Variants in TAFA4 observed in about 807,000 individuals in gnomAD.
TAFA4 encodes TAFA chemokine like family member 4.
In TAFA4, 20 loss-of-function variants were observed where a neutral mutation model predicts 21.1. The observed-to-expected ratio is 0.95, with a 90% CI of 0.67 to 1.38. The LOEUF is 1.38. TAFA4 is among the 40% of genes most tolerant of loss of function. The pLI is 0.00. For synonymous variants in TAFA4, 71 were observed against 67.4 expected, an observed-to-expected ratio of 1.05 and a Z score of -0.26; for missense variants, 211 against 180.9, an observed-to-expected ratio of 1.17 and a Z score of -0.95.
At chr3:68,779,776 C>T (rs111954017) in intron 3 of TAFA4, among the ~76,000 whole-genome samples, 2 of 152,152 alleles carry the variant, frequency 1.3e-5, no homozygotes, top group Non-Finnish European at 2.9e-5. Context: ...TCTGCTAGGA[C>T]AGTGAAGAAG....
chr3:68,790,223 C>T (rs375989120), intron 3 of TAFA4, among the ~76,000 whole-genome samples: 1 of 151,556 alleles, frequency 6.6e-6, no homozygotes, highest in East Asian at 1.9e-4. Context: ...AACTCTAATG[C>T]AGACTTTGAA....
intron 1 of TAFA4, among the ~76,000 whole-genome samples, chr3:68,913,883 C>T (rs949769247): frequency 6.6e-6 from 1 of 152,162 alleles, no homozygotes; most frequent in African/African-American, 2.4e-5. Context: ...AATAATCCTA[C>T]CCAACCCAAT....
At chr3:68,857,458 G>A (rs1272398817) in intron 3 of TAFA4, among the ~76,000 whole-genome samples, 2 of 152,152 alleles carry the variant, frequency 1.3e-5, no homozygotes, top group African/African-American at 4.8e-5. Context: ...AGGACCAATG[G>A]ATGGCAACTT....
chr3:68,811,727 G>A (rs1703844713), intron 3 of TAFA4, among the ~76,000 whole-genome samples: 1 of 152,210 alleles, frequency 6.6e-6, no homozygotes, highest in South Asian at 2.1e-4. Flanking sequence ...CGGGGAGAAT[G>A]GAACCAAGTT....
intron 3 of TAFA4, among the ~76,000 whole-genome samples, chr3:68,845,382 TTATTTTGAGCC>T (rs1336443594): frequency 1.3e-5 from 2 of 152,164 alleles, no homozygotes; most frequent in East Asian, 3.9e-4. Flanking sequence ...TTCCATTCCT[TTATTTTGAGCC>T]TATTTTGAGC....
chr3:68,806,875 G>T (rs758221325), intron 3 of TAFA4, among the ~76,000 whole-genome samples: 4 of 152,130 alleles, frequency 2.6e-5, no homozygotes, highest in African/African-American at 4.8e-5. Flanking sequence ...TGTGAGAAAT[G>T]AATTTCTGTC....
At chr3:68,905,150 C>CTTTT (rs145187037) in intron 1 of TAFA4, among the ~76,000 whole-genome samples, 7 of 85,258 alleles carry the variant, frequency 8.2e-5, no homozygotes, top group African/African-American at 2.8e-4. Flanking sequence ...AGATTTCTGC[C>CTTTT]TTTTTTTTTT....
intron 3 of TAFA4, among the ~76,000 whole-genome samples, chr3:68,861,768 G>A (rs1414990102): frequency 6.6e-6 from 1 of 151,914 alleles, no homozygotes; most frequent in Non-Finnish European, 1.5e-5. Context: ...GGGAGAAAAG[G>A]GAAGTAGAAG....
rs2090166883 is a variant in TAFA4, at chr3:68,932,370, G to A, written c.-253C>T. The A allele has an allele frequency of 6.6e-6, 1 of 152,474 alleles. No homozygotes were observed. The highest frequency in any genetic ancestry group is 1.5e-5 in the Non-Finnish European group (1 of 68,226). The allele number at this position is 152,474 out of a possible 1,614,324, so 9.4% of individuals were successfully genotyped here. On this transcript the variant is annotated 5_prime_UTR_variant, in exon 1 of 6. Coordinates refer to ENST00000295569, the MANE Select transcript of TAFA4 (RefSeq NM_182522.5). ...CCGGGAGCGGCCCATCACCTCTGCA[G>A]CCTCGCCAGGAGAAGAAAAGTTCCC... is the stretch of plus-strand genomic sequence containing the variant.
intron 4 of TAFA4, among the ~76,000 whole-genome samples, chr3:68,741,410 T>G (rs1221066467): frequency 6.6e-6 from 1 of 152,214 alleles, no homozygotes; most frequent in Non-Finnish European, 1.5e-5. Flanking sequence ...CTTAATTTCT[T>G]GGATTGTTCA....
At chr3:68,906,225 G>A (rs2089899582) in intron 1 of TAFA4, among the ~76,000 whole-genome samples, 2 of 152,172 alleles carry the variant, frequency 1.3e-5, no homozygotes, top group African/African-American at 4.8e-5. Flanking sequence ...TCTTGTTCAT[G>A]TCCTGGGCGA....
chr3:68,754,865 G>A (rs1346233727), intron 3 of TAFA4, among the ~76,000 whole-genome samples: 1 of 152,098 alleles, frequency 6.6e-6, no homozygotes, highest in Non-Finnish European at 1.5e-5. Context: ...TAGGCAGGAG[G>A]AGCTGTGTCA....
chr3:68,793,323 C>T (rs1367526890), intron 3 of TAFA4, among the ~76,000 whole-genome samples: 1 of 152,132 alleles, frequency 6.6e-6, no homozygotes, highest in Non-Finnish European at 1.5e-5. Flanking sequence ...AATATATGGA[C>T]AATAACTGCA....
At chr3:68,893,700 T>C (rs2089756142) in intron 1 of TAFA4, among the ~76,000 whole-genome samples, 1 of 152,206 alleles carries the variant, frequency 6.6e-6, no homozygotes, top group Admixed American at 6.5e-5. Flanking sequence ...GTGGATTACA[T>C]GGCAAGACAA....
At chr3:68,799,375 G>A (rs534560646) in intron 3 of TAFA4, among the ~76,000 whole-genome samples, 1 of 152,070 alleles carries the variant, frequency 6.6e-6, no homozygotes, top group African/African-American at 2.4e-5. Context: ...CTTTCATAAG[G>A]GTACTCATCC....
intron 3 of TAFA4, among the ~76,000 whole-genome samples, chr3:68,825,919 A>C (rs1320997095): frequency 6.6e-6 from 1 of 152,202 alleles, no homozygotes; most frequent in African/African-American, 2.4e-5. Context: ...GGCAGAGAGC[A>C]ACACTGTCAG....
rs151037161 is a variant in TAFA4, at chr3:68,777,581, T to A, written c.131-24563A>T. Reference sequence around the variant, plus strand: ...ATAACCATTTTTAAAGAAAGTACAATTAGGAGGTATAGATAATTAGTAATA... The same window carrying A: ...ATAACCATTTTTAAAGAAAGTACAAATAGGAGGTATAGATAATTAGTAATA... On this transcript the variant is annotated intron_variant, in intron 3 of 5. Coordinates refer to ENST00000295569, the MANE Select transcript of TAFA4 (RefSeq NM_182522.5). Among the ~76,000 whole-genome samples, 246 of 152,014 alleles carry A rather than the reference T, an allele frequency of 1.6e-3. 3 individuals carry two copies. The highest frequency in any genetic ancestry group is 0.014 in the East Asian group (72 of 5,178).
In TAFA4 at chr3:68,752,846, G is replaced by C. The variant is rs1702580911; in HGVS notation, c.286+17C>G. 1 of 1,613,916 alleles carries C rather than the reference G, an allele frequency of 6.2e-7. No homozygotes were observed. The highest frequency in any genetic ancestry group is 1.7e-5 in the Admixed American group (1 of 59,988). On this transcript the variant is annotated intron_variant, in intron 4 of 5. Coordinates refer to ENST00000295569, the MANE Select transcript of TAFA4 (RefSeq NM_182522.5). ...GCCTTTTTGAAATACCAGAGATGCT[G>C]ACCAGAGAGGTCTTACCTTCAACAC... is the stretch of plus-strand genomic sequence containing the variant.
rs1232404026 is a variant in TAFA4 at position 68,839,143 on chromosome 3, A to G, written c.130+41587T>C. Among the ~76,000 whole-genome samples, 3 of 152,176 alleles carry G rather than the reference A, an allele frequency of 2.0e-5. No individual in the cohort carries two copies. In the East Asian group the frequency reaches 5.8e-4, roughly 29 times the overall value. On this transcript the variant is annotated intron_variant, in intron 3 of 5. Transcript: ENST00000295569. ...AAAATTCCCTGCCTATGTGGAGATT[A>G]TATTCTAGCAGAGGGACACATATAA...
Sources: gnomAD v4.1 joint callset for allele counts (sites outside exome capture counted in the v4.1 genomes callset) on GRCh38, gnomAD v4.1.1 for gene constraint, MANE v1.5 for transcripts, NCBI Gene and HGNC (gene_info 2026-07-23, HGNC 2026-07-21) for gene names.